Variants in ILDR2 observed in about 807,000 individuals in gnomAD.
The protein encoded by ILDR2 is immunoglobulin-like domain-containing receptor 2.
Under a neutral mutation model 66.8 loss-of-function variants are expected in ILDR2, and 25 were observed. The observed-to-expected ratio is 0.37, with a 90% CI of 0.27 to 0.52. ILDR2 has a LOEUF of 0.52. ILDR2 is among the 20% of genes least tolerant of loss of function. The pLI, the probability that ILDR2 is intolerant of heterozygous loss-of-function variation, is 0.88. For synonymous variants in ILDR2, 367 were observed against 357.2 expected (o/e 1.03, Z -0.31); for missense variants, 827 against 876.8 (o/e 0.94, Z 0.72).
In ILDR2 at chr1:166,935,377, G is replaced by C; in HGVS notation, c.804C>G (p.Pro268=). 1 of 1,614,128 alleles carries C rather than the reference G, an allele frequency of 6.2e-7. No individual in the cohort carries two copies. Among genetic ancestry groups the C allele is most frequent in the Non-Finnish European group, 8.5e-7 (1 of 1,180,020 alleles). The change falls in exon 6 of 10, where the codon CCC becomes CCG. Residue 268 remains proline (P), a synonymous_variant. Transcript: ENST00000271417. ...GCTTGTCCATCAGCATGCCAGATGA[G>C]GGGGCTCCTCCCAAAGGGACAGAGG... ...SIPSVPLGGA[P]SSGMLMDKPH...
At chr1:166,945,196 G>C (rs535508920) in intron 3 of ILDR2, among the ~76,000 whole-genome samples, 1 of 152,124 alleles carries the variant, frequency 6.6e-6, no homozygotes, top group African/African-American at 2.4e-5. Flanking sequence ...AGAATGCCAG[G>C]AGCATTCTCC....
chr1:166,947,750 G>C (rs1431466036), intron 3 of ILDR2, among the ~76,000 whole-genome samples: 1 of 152,164 alleles, frequency 6.6e-6, no homozygotes, highest in African/African-American at 2.4e-5. Context: ...TCCTGCCCGG[G>C]GTAACCACGG....
At chr1:166,898,917 G>T (rs113340759) in intron 2 of ILDR2, among the ~76,000 whole-genome samples, 2 of 151,688 alleles carry the variant, frequency 1.3e-5, no homozygotes, top group African/African-American at 2.4e-5. Flanking sequence ...GAAATTAGCC[G>T]GACATGGTGG....
At chr1:166,948,911 G>A (rs1370837368) in intron 3 of ILDR2, among the ~76,000 whole-genome samples, 2 of 152,148 alleles carry the variant, frequency 1.3e-5, no homozygotes, top group Admixed American at 6.5e-5. Flanking sequence ...CTTCACAATA[G>A]GTCTTCCGTG....
At chr1:166,975,152 G>C in intron 1 of ILDR2, 71 bp downstream of exon 1, 1 of 1,309,498 alleles carries the variant, frequency 7.6e-7, no homozygotes, top group Non-Finnish European at 1.1e-6. Flanking sequence ...GGGGGGGCGG[G>C]GGGCGCGGTG....
chr1:166,916,815 G>C lies in ILDR2; in HGVS notation c.*2540C>G, dbSNP rs1445826644. On this transcript the variant is annotated 3_prime_UTR_variant, in exon 10 of 10. Transcript: ENST00000271417. ...TAGTTTTGTTGTCTTTGGAATTGCA[G>C]GTTTCCAATTTTAATAATTCTTTCT... 6.6e-6 allele frequency: 1 copy of C among 152,138 alleles called. No individual in the cohort carries two copies. The highest frequency in any genetic ancestry group is 1.5e-5 in the Non-Finnish European group (1 of 68,018). The allele number at this position is 152,138 out of a possible 1,614,324, so 9.4% of individuals were successfully genotyped here.
At chr1:166,955,214 C>A (rs1035727106) in intron 3 of ILDR2, among the ~76,000 whole-genome samples, 1 of 152,146 alleles carries the variant, frequency 6.6e-6, no homozygotes, top group African/African-American at 2.4e-5. Flanking sequence ...TTTTACAAGT[C>A]ACAAGTTACA....
Position 166,920,964 on chromosome 1 carries a change from T to C in ILDR2, c.1627A>G (p.Ser543Gly). 1 of 1,485,548 alleles carries C rather than the reference T, an allele frequency of 6.7e-7. No homozygotes were observed. The highest frequency in any genetic ancestry group is 8.9e-7 in the Non-Finnish European group (1 of 1,128,730). 92.0% of individuals were successfully genotyped at this position (1,485,548 alleles called of 1,614,324 possible). The change falls in exon 9 of 10, where the codon AGC (serine) becomes GGC (glycine). Residue 543 changes from serine to glycine, a missense_variant. By Grantham distance (56) the Ser-to-Gly change is moderately conservative. Around this residue, in one of 2 missense-constraint regions of ILDR2, gnomAD observed 390 missense variants for 353.6 expected, o/e 1.10. Coordinates refer to ENST00000271417, the MANE Select transcript of ILDR2 (RefSeq NM_199351.3). ...GGCGTCTCCAGGCTGCCACCGCGGC[T>C]GGCGCCCTCGGGCCGCGCCTGGCGC... Reference protein sequence around the residue: ...RERQARPEGASRGGSLETPSK... With the variant: ...RERQARPEGAGRGGSLETPSK...
At position 166,934,231 on chromosome 1, in the gene ILDR2, C is replaced by T. The variant is rs552563303; in HGVS notation, c.880+1070G>A. On this transcript the variant is annotated intron_variant, in intron 6 of 9. Coordinates refer to ENST00000271417, the MANE Select transcript of ILDR2 (RefSeq NM_199351.3). ...ACCTCCTACCTACCCCTGCCTATAA[C>T]CACAAATTAATAGTGCCTCAAATGG... 3.9e-4 allele frequency among the ~76,000 whole-genome samples: 60 copies of T among 152,252 alleles called. 1 individual carries two copies. Among genetic ancestry groups the T allele is most frequent in the Admixed American group, 3.4e-3 (52 of 15,302 alleles).
At chr1:166,923,172 C>G (rs1395431091) in intron 7 of ILDR2, among the ~76,000 whole-genome samples, 1 of 152,168 alleles carries the variant, frequency 6.6e-6, no homozygotes, top group East Asian at 1.9e-4. Context: ...CTTTATAATT[C>G]TGTGATGAGC....
At position 166,919,339 on chromosome 1, in the gene ILDR2, AG is replaced by A. The variant is rs746348126; in HGVS notation, c.*15del. On this transcript the variant is annotated 3_prime_UTR_variant, in exon 10 of 10. Coordinates refer to ENST00000271417, the MANE Select transcript of ILDR2 (RefSeq NM_199351.3). ...CCATGTCTGATTTCTCATTATCCAG[AG>A]AAATGTTGACAACATCAGACCACAA... is the stretch of plus-strand genomic sequence containing the variant. 3 of 1,611,224 alleles carry A rather than the reference AG, an allele frequency of 1.9e-6. No homozygotes were observed. The South Asian group carries it at 3.3e-5, about 18-fold the overall frequency.
At chr1:166,948,755 C>T (rs1478853637) in intron 3 of ILDR2, among the ~76,000 whole-genome samples, 1 of 152,182 alleles carries the variant, frequency 6.6e-6, no homozygotes, top group Non-Finnish European at 1.5e-5. Flanking sequence ...AAAGGAAAAT[C>T]AGCTCTTTAG....
chr1:166,943,447 G>C (rs553079506), intron 3 of ILDR2, among the ~76,000 whole-genome samples: 107 of 122,152 alleles, frequency 8.8e-4, no homozygotes, highest in African/African-American at 3.1e-3. Context: ...AGCCGAGATT[G>C]CACCACTGCA....
rs922274462 is a variant in ILDR2 at position 166,939,489 on chromosome 1, A to C, written c.556+25T>G. 3.7e-6 allele frequency: 6 copies of C among 1,601,428 alleles called. No homozygotes were observed. The African/African-American group carries it at 5.4e-5, about 14-fold the overall frequency. The stretch of plus-strand genomic sequence containing the variant: ...AGATGGAATAACAGCAAATCAAGCA[A>C]ATAAAGAGTTAAATGACCGAATACC... On this transcript the variant is annotated intron_variant, in intron 4 of 9. Coordinates refer to ENST00000271417, the MANE Select transcript of ILDR2 (RefSeq NM_199351.3).
At chr1:166,925,007 C>A (rs1048005420) in intron 7 of ILDR2, among the ~76,000 whole-genome samples, 10 of 152,086 alleles carry the variant, frequency 6.6e-5, no homozygotes, top group Admixed American at 1.3e-4. Context: ...CAGAGCAAGA[C>A]CTTGTCTCAA....
At chr1:166,956,980 G>A (rs1027432224) in intron 2 of ILDR2, 128 bp from the exon 3 acceptor site, 20 of 925,452 alleles carry the variant, frequency 2.2e-5, no homozygotes, top group Non-Finnish European at 3.2e-5. Flanking sequence ...TTATCTGGAT[G>A]GTGGTTGAAA....
In ILDR2 at chr1:166,910,903, GCTT is replaced by G. The variant is rs1488403455; in HGVS notation, c.*8449_*8451del. On this transcript the variant is annotated 3_prime_UTR_variant, in exon 10 of 10. Transcript: ENST00000271417. ...CCTATGAGTCTAGTCCTTCCTTGCTGCTTCTTTTTTTTCTTGTCTTTTTAAATT... is the reference window on the plus strand; with the variant it reads ...CCTATGAGTCTAGTCCTTCCTTGCTGCTTTTTTTTCTTGTCTTTTTAAATT... The G allele has an allele frequency of 2.6e-5, 4 of 152,226 alleles. No homozygotes were observed. Among genetic ancestry groups the G allele is most frequent in the East Asian group, 3.9e-4 (2 of 5,188 alleles). The allele number at this position is 152,226 out of a possible 1,614,324, so 9.4% of individuals were successfully genotyped here.
At chr1:166,957,236 T>C (rs1662331756) in intron 2 of ILDR2, among the ~76,000 whole-genome samples, 1 of 152,190 alleles carries the variant, frequency 6.6e-6, no homozygotes, top group Non-Finnish European at 1.5e-5. Flanking sequence ...AATAATCGAA[T>C]AGATCATATC....
chr1:166,943,363 G>C (rs985768230), intron 3 of ILDR2, among the ~76,000 whole-genome samples: 2 of 151,918 alleles, frequency 1.3e-5, no homozygotes, highest in African/African-American at 2.4e-5. Context: ...GTGGTGGCGG[G>C]CGCCTGTAGT....
Sources: gnomAD v4.1 joint callset for allele counts (sites outside exome capture counted in the v4.1 genomes callset) on GRCh38, gnomAD v4.1.1 for gene constraint, gnomAD v4.1.1 regional missense constraint, MANE v1.5 for transcripts, NCBI Gene and HGNC (gene_info 2026-07-23, HGNC 2026-07-21) for gene names.